Variants in CDH6 observed in about 807,000 individuals in gnomAD.
CDH6 encodes cadherin 6, also known as cadherin-6.
In CDH6, 31 loss-of-function variants were observed where a neutral mutation model predicts 78.0. That is an observed-to-expected ratio of 0.40 (90% CI 0.30 to 0.54). The LOEUF (loss-of-function observed/expected upper bound fraction) is 0.54, where lower values mean the gene tolerates loss of function less well. Ranked by LOEUF, CDH6 falls within the 20% of genes least tolerant of loss-of-function variation. The pLI is 0.56. For synonymous variants in CDH6, 376 were observed against 368.8 expected, an observed-to-expected ratio of 1.02 and a Z score of -0.23; for missense variants, 724 against 975.9, an observed-to-expected ratio of 0.74 and a Z score of 3.44.
At position 31,325,934 on chromosome 5, in the gene CDH6, G is replaced by A. The variant is rs143610929; in HGVS notation, c.*2626G>A. ...CTCTTTGACATCGTGGAACCAATAAGAGTCATAGTTCCATCATTCTCCAGC... is the reference window on the plus strand; with the variant it reads ...CTCTTTGACATCGTGGAACCAATAAAAGTCATAGTTCCATCATTCTCCAGC... On this transcript the variant is annotated 3_prime_UTR_variant, in exon 12 of 12. Transcript: ENST00000265071. 5.0e-4 allele frequency: 116 copies of A among 232,296 alleles called. No homozygotes were observed. In the East Asian group the frequency reaches 7.0e-3, roughly 14 times the overall value. The allele number at this position is 232,296 out of a possible 1,614,324, so 14.4% of individuals were successfully genotyped here.
intron 1 of CDH6, among the ~76,000 whole-genome samples, chr5:31,226,320 G>A (rs548397826): frequency 5.9e-5 from 9 of 151,988 alleles, no homozygotes; most frequent in East Asian, 1.9e-4. Flanking sequence ...GATTACAGGC[G>A]CCCACCACCA....
chr5:31,193,726 G>A lies in CDH6; in HGVS notation c.-289G>A. Reference sequence around the variant, plus strand: ...TGCAAATCAGTGTGTGCCCACAAGAGCCAGCTCTCCCGAGCCCGTAACCTT... The same window carrying A: ...TGCAAATCAGTGTGTGCCCACAAGAACCAGCTCTCCCGAGCCCGTAACCTT... On this transcript the variant is annotated 5_prime_UTR_variant, in exon 1 of 12. Transcript: ENST00000265071. The A allele has an allele frequency of 6.6e-6, 1 of 152,520 alleles. No homozygotes were observed. The highest frequency in any genetic ancestry group is 2.0e-4 in the South Asian group (1 of 5,032). The allele number at this position is 152,520 out of a possible 1,614,324, so 9.4% of individuals were successfully genotyped here.
intron 2 of CDH6, among the ~76,000 whole-genome samples, chr5:31,278,274 A>G (rs973902156): frequency 5.9e-5 from 9 of 152,298 alleles, no homozygotes; most frequent in Middle Eastern, 3.4e-3. Context: ...TATGAAAACT[A>G]CCTCTGGAAA....
chr5:31,211,665 T>C (rs898047201), intron 1 of CDH6, among the ~76,000 whole-genome samples: 1 of 152,030 alleles, frequency 6.6e-6, no homozygotes, highest in Non-Finnish European at 1.5e-5. Context: ...CTGGGGTTGT[T>C]TTTTTTCACA....
chr5:31,208,714 A>G (rs1342173719), intron 1 of CDH6, among the ~76,000 whole-genome samples: 1 of 152,184 alleles, frequency 6.6e-6, no homozygotes, highest in Non-Finnish European at 1.5e-5. Flanking sequence ...TGAATCTACA[A>G]AAAAAACTAT....
At chr5:31,212,913 T>A (rs543517309) in intron 1 of CDH6, among the ~76,000 whole-genome samples, 1 of 152,328 alleles carries the variant, frequency 6.6e-6, no homozygotes, top group South Asian at 2.1e-4. Context: ...CTTCCTTTGC[T>A]ATTCCCCACT....
intron 8 of CDH6, among the ~76,000 whole-genome samples, chr5:31,314,771 A>G (rs906938009): frequency 3.3e-5 from 5 of 152,108 alleles, no homozygotes; most frequent in African/African-American, 1.2e-4. Context: ...ATGAAATTTT[A>G]TTTTTTACCA....
chr5:31,324,381 G>A lies in CDH6; in HGVS notation c.*1073G>A, dbSNP rs1464640106. On this transcript the variant is annotated 3_prime_UTR_variant, in exon 12 of 12. Transcript: ENST00000265071. ...GAGTTCAGTGGAGAGGTTAGAGCCAGCCACACTTGAACCTAATACCCTGCC... is the reference window on the plus strand; with the variant it reads ...GAGTTCAGTGGAGAGGTTAGAGCCAACCACACTTGAACCTAATACCCTGCC... The A allele has an allele frequency of 1.4e-5, 3 of 214,818 alleles. No individual in the cohort carries two copies. Among genetic ancestry groups the A allele is most frequent in the Non-Finnish European group, 1.9e-5 (2 of 106,612 alleles). The allele number at this position is 214,818 out of a possible 1,614,324, so 13.3% of individuals were successfully genotyped here. A position where few individuals can be genotyped will look rare whatever the true frequency, so the allele number is the denominator to read the frequency against.
chr5:31,319,846 A>G lies in CDH6; in HGVS notation c.1882+1922A>G, dbSNP rs888562575. ...TACATCTCATGTCTTATGGTGCCTT[A>G]GAACTTGCAAAACTTTCACATTTAT... On this transcript the variant is annotated intron_variant, in intron 11 of 11. Coordinates refer to ENST00000265071, the MANE Select transcript of CDH6 (RefSeq NM_004932.4). Among the ~76,000 whole-genome samples, 2 of 152,362 alleles carry G rather than the reference A, an allele frequency of 1.3e-5. 1 individual carries two copies. Among genetic ancestry groups the G allele is most frequent in the Middle Eastern group, 6.8e-3 (2 of 294 alleles).
At position 31,324,363 on chromosome 5, in the gene CDH6, G is replaced by A. The variant is rs182758350; in HGVS notation, c.*1055G>A. Reference sequence around the variant, plus strand: ...ACTTAAATCTCACTCTAGGAGTTCAGTGGAGAGGTTAGAGCCAGCCACACT... The same window carrying A: ...ACTTAAATCTCACTCTAGGAGTTCAATGGAGAGGTTAGAGCCAGCCACACT... On this transcript the variant is annotated 3_prime_UTR_variant, in exon 12 of 12. Coordinates refer to ENST00000265071, the MANE Select transcript of CDH6 (RefSeq NM_004932.4). The A allele has an allele frequency of 5.2e-4, 112 of 214,990 alleles. No homozygotes were observed. Among genetic ancestry groups the A allele is most frequent in the African/African-American group, 2.3e-3 (102 of 44,470 alleles). The allele number at this position is 214,990 out of a possible 1,614,324, so 13.3% of individuals were successfully genotyped here. A position where few individuals can be genotyped will look rare whatever the true frequency, so the allele number is the denominator to read the frequency against.
chr5:31,269,886 A>G (rs1046513138), intron 2 of CDH6, among the ~76,000 whole-genome samples: 1 of 151,660 alleles, frequency 6.6e-6, no homozygotes, highest in African/African-American at 2.4e-5. Context: ...TATTTGCTGG[A>G]AAAAAAAATC....
chr5:31,217,100 A>G (rs918461911), intron 1 of CDH6, among the ~76,000 whole-genome samples: 2 of 152,120 alleles, frequency 1.3e-5, no homozygotes, highest in Non-Finnish European at 2.9e-5. Context: ...TGTTAAATGA[A>G]GTGGGGTTCG....
intron 8 of CDH6, 43 bp downstream of exon 8, chr5:31,313,497 T>C: frequency 6.4e-7 from 1 of 1,564,922 alleles, no homozygotes; most frequent in Non-Finnish European, 8.7e-7. Flanking sequence ...ATTAATAGAC[T>C]GAGTGTCCCA....
chr5:31,228,788 T>C (rs4431358), intron 1 of CDH6, among the ~76,000 whole-genome samples: 149,818 of 152,302 alleles, frequency 0.98, 73,751 homozygotes, highest in Middle Eastern at 1. Flanking sequence ...ACAATGCTGG[T>C]TCACCTGCCA....
intron 9 of CDH6, 66 bp from the exon 10 acceptor site, chr5:31,317,309 G>T: frequency 2.6e-6 from 2 of 780,966 alleles, no homozygotes; most frequent in Non-Finnish European, 4.4e-6. Flanking sequence ...GCAATTTATT[G>T]CAAAACGGTA....
rs1046262971 is a variant in CDH6, at chr5:31,294,395, G to A, written c.523+139G>A. ...CAATCCATGTATGTCCTTTCTGTAA[G>A]TGCATATGTTTCCTAATATTACTCT... On this transcript the variant is annotated intron_variant, in intron 3 of 11. Coordinates refer to ENST00000265071, the MANE Select transcript of CDH6 (RefSeq NM_004932.4). The surrounding 1 kb of genome is among the most constrained non-coding windows in gnomAD (Gnocchi z 4.1). The A allele has an allele frequency of 2.6e-5, 18 of 682,678 alleles. No individual in the cohort carries two copies. Among genetic ancestry groups the A allele is most frequent in the Admixed American group, 1.0e-4 (4 of 38,202 alleles). The allele number at this position is 682,678 out of a possible 1,614,324, so 42.3% of individuals were successfully genotyped here.
chr5:31,290,389 T>G (rs986684478), intron 2 of CDH6, among the ~76,000 whole-genome samples: 1 of 152,226 alleles, frequency 6.6e-6, no homozygotes, highest in Non-Finnish European at 1.5e-5. Flanking sequence ...TGACTTTCTG[T>G]GGCAAGTGGA....
Position 31,326,677 on chromosome 5 carries a change from TAA to T in CDH6, c.*3372_*3373del, listed in dbSNP as rs66686653. 2.1e-4 allele frequency: 31 copies of T among 146,584 alleles called. 1 individual carries two copies. Among genetic ancestry groups the T allele is most frequent in the Non-Finnish European group, 2.2e-4 (15 of 69,348 alleles). The allele number at this position is 146,584 out of a possible 1,614,324, so 9.1% of individuals were successfully genotyped here. ...TCCCAAAGAGTTGTGCAGAAAATCTTAAAATTTTTTTTTTTTTTTTTTTTTTT... is the reference window on the plus strand; with the variant it reads ...TCCCAAAGAGTTGTGCAGAAAATCTTAATTTTTTTTTTTTTTTTTTTTTTT... On this transcript the variant is annotated 3_prime_UTR_variant, in exon 12 of 12. Transcript: ENST00000265071.
At chr5:31,199,681 G>A (rs1381014477) in intron 1 of CDH6, among the ~76,000 whole-genome samples, 29 of 66,042 alleles carry the variant, frequency 4.4e-4, no homozygotes, top group South Asian at 1.8e-3. Flanking sequence ...GTGTGTGTGT[G>A]TGTGTATATA....
Sources: gnomAD v4.1 joint callset for allele counts (sites outside exome capture counted in the v4.1 genomes callset) on GRCh38, gnomAD v4.1.1 for gene constraint, Gnocchi (gnomAD v3.1) non-coding constraint, MANE v1.5 for transcripts, NCBI Gene and HGNC (gene_info 2026-07-23, HGNC 2026-07-21) for gene names.